The following EDIL3 variants were observed in gnomAD, a reference collection of about 807,000 sequenced individuals.
EDIL3 encodes EGF like and discoidin domains 3.
Under a neutral mutation model 67.4 loss-of-function variants are expected in EDIL3, and 37 were observed. The observed-to-expected ratio is 0.55, with a 90% CI of 0.42 to 0.72. The LOEUF (loss-of-function observed/expected upper bound fraction) is 0.72. EDIL3 is among the 30% of genes least tolerant of loss of function. EDIL3 has a pLI of 0.00. For synonymous variants in EDIL3, 195 were observed against 196.3 expected (o/e 0.99, Z 0.05); for missense variants, 527 against 586.3 (o/e 0.90, Z 1.04).
At chr5:83,995,465 A>G (rs371547549) in intron 9 of EDIL3, among the ~76,000 whole-genome samples, 2 of 152,324 alleles carry the variant, frequency 1.3e-5, no homozygotes, top group African/African-American at 4.8e-5. Context: ...GAGTAGAATT[A>G]TCCAGCAATA....
chr5:84,182,475 A>C (rs1033852626), intron 3 of EDIL3, among the ~76,000 whole-genome samples: 13 of 152,088 alleles, frequency 8.5e-5, no homozygotes, highest in African/African-American at 2.9e-4. Flanking sequence ...AACTTTAAAA[A>C]AAACAAACAA....
At chr5:84,296,978 C>T (rs964176227) in intron 1 of EDIL3, among the ~76,000 whole-genome samples, 8 of 151,930 alleles carry the variant, frequency 5.3e-5, no homozygotes, top group South Asian at 2.1e-4. Context: ...GTCAGGAGAT[C>T]GAGACCATCC....
chr5:84,078,075 TG>T (rs1172021452), intron 6 of EDIL3, among the ~76,000 whole-genome samples: 1 of 152,168 alleles, frequency 6.6e-6, no homozygotes, highest in Admixed American at 6.5e-5. Flanking sequence ...ATGCTGATGA[TG>T]GGAATGTAAA....
chr5:84,113,192 C>T (rs915993468), intron 5 of EDIL3, among the ~76,000 whole-genome samples: 5 of 152,088 alleles, frequency 3.3e-5, no homozygotes, highest in Admixed American at 6.6e-5. Context: ...AAATAGAATA[C>T]GGTAGTAGAA....
At chr5:84,222,037 C>T (rs1181006943) in intron 3 of EDIL3, among the ~76,000 whole-genome samples, 1 of 151,844 alleles carries the variant, frequency 6.6e-6, no homozygotes, top group Non-Finnish European at 1.5e-5. Context: ...TGAGCATAGT[C>T]AGCCATGCAG....
chr5:84,239,799 C>T (rs184616576), intron 2 of EDIL3, among the ~76,000 whole-genome samples: 2 of 152,278 alleles, frequency 1.3e-5, no homozygotes, highest in Admixed American at 1.3e-4. Flanking sequence ...TTCACTTTCT[C>T]TCTAGCAAAG....
At chr5:84,014,872 C>T (rs1347634477) in intron 9 of EDIL3, among the ~76,000 whole-genome samples, 1 of 152,150 alleles carries the variant, frequency 6.6e-6, no homozygotes, top group Non-Finnish European at 1.5e-5. Context: ...AGAGCAGATA[C>T]AGAACTCTGG....
chr5:84,198,093 A>G (rs1743750521), intron 3 of EDIL3, among the ~76,000 whole-genome samples: 2 of 152,032 alleles, frequency 1.3e-5, no homozygotes, highest in African/African-American at 4.8e-5. Flanking sequence ...ACTTGTAGAT[A>G]GTGTTAATAT....
intron 3 of EDIL3, among the ~76,000 whole-genome samples, chr5:84,185,180 C>T (rs991421652): frequency 2.6e-5 from 4 of 152,122 alleles, no homozygotes; most frequent in Admixed American, 2.0e-4. Flanking sequence ...AGTCTATGCC[C>T]TTTCCATTAA....
At chr5:84,005,265 T>C (rs948941297) in intron 9 of EDIL3, among the ~76,000 whole-genome samples, 1 of 152,090 alleles carries the variant, frequency 6.6e-6, no homozygotes, top group South Asian at 2.1e-4. Flanking sequence ...GAAAAGCCAC[T>C]GCCAATCCCA....
At chr5:84,162,128 C>T (rs1748622918) in intron 4 of EDIL3, among the ~76,000 whole-genome samples, 1 of 152,094 alleles carries the variant, frequency 6.6e-6, no homozygotes, top group Non-Finnish European at 1.5e-5. Context: ...AAGGGGCTCA[C>T]ATGGGGCCTA....
chr5:84,209,808 G>A (rs1265899660), intron 3 of EDIL3, among the ~76,000 whole-genome samples: 1 of 152,058 alleles, frequency 6.6e-6, no homozygotes, highest in Non-Finnish European at 1.5e-5. Context: ...AAGAAATTCT[G>A]TAAAAATGTT....
chr5:84,175,812 G>A (rs1748894431), intron 4 of EDIL3, among the ~76,000 whole-genome samples: 1 of 152,094 alleles, frequency 6.6e-6, no homozygotes, highest in African/African-American at 2.4e-5. Flanking sequence ...TGTACTGAAG[G>A]ATCATATGGA....
intron 3 of EDIL3, among the ~76,000 whole-genome samples, chr5:84,223,838 A>AT: frequency 6.6e-6 from 1 of 151,222 alleles, no homozygotes; most frequent in Non-Finnish European, 1.5e-5. Flanking sequence ...TATAGTAATC[A>AT]TTTTACTATA....
chr5:84,362,470 A>G (rs1176786015), intron 1 of EDIL3, among the ~76,000 whole-genome samples: 1 of 152,198 alleles, frequency 6.6e-6, no homozygotes, highest in African/African-American at 2.4e-5. Context: ...CTGATGGTTT[A>G]CATTCCTAAT....
In EDIL3 at chr5:84,335,779, C is replaced by T. The variant is rs373968136; in HGVS notation, c.67+48529G>A. 1.1e-4 allele frequency among the ~76,000 whole-genome samples: 16 copies of T among 152,242 alleles called. No individual in the cohort carries two copies. In the South Asian group the frequency reaches 1.7e-3, roughly 16 times the overall value. ...AGGATGTCTCAGTCTGTTTATGCTG[C>T]TATAATTAACGTCTAAGACTGGGTA... On this transcript the variant is annotated intron_variant, in intron 1 of 10. Transcript: ENST00000296591.
intron 1 of EDIL3, among the ~76,000 whole-genome samples, chr5:84,260,583 C>T (rs1475994210): frequency 6.6e-6 from 1 of 152,052 alleles, no homozygotes; most frequent in Non-Finnish European, 1.5e-5. Flanking sequence ...TATTTACAGG[C>T]TAATGTACTT....
At chr5:84,382,237 C>T (rs1748092016) in intron 1 of EDIL3, among the ~76,000 whole-genome samples, 1 of 152,190 alleles carries the variant, frequency 6.6e-6, no homozygotes, top group Admixed American at 6.5e-5. Context: ...TCCAGCTTCC[C>T]GAGCATTGTC....
chr5:84,060,657 C>A (rs774835706), intron 8 of EDIL3, among the ~76,000 whole-genome samples, 173 bp from the exon 9 acceptor site: 1 of 151,930 alleles, frequency 6.6e-6, no homozygotes, highest in African/African-American at 2.4e-5. Flanking sequence ...GAAACAAAAT[C>A]GAAAAACAAG....
Sources: gnomAD v4.1 joint callset for allele counts (sites outside exome capture counted in the v4.1 genomes callset) on GRCh38, gnomAD v4.1.1 for gene constraint, MANE v1.5 for transcripts, NCBI Gene and HGNC (gene_info 2026-07-23, HGNC 2026-07-21) for gene names.